TTBK2: variants seen among roughly 807,000 people sequenced by gnomAD.
TTBK2 encodes the protein tau-tubulin kinase 2.
In TTBK2, 28 loss-of-function variants were observed where a neutral mutation model predicts 110.8. The ratio of observed to expected loss-of-function variants is 0.25; its 90% CI spans 0.19 to 0.35. The LOEUF is 0.35. Among genes scored for constraint, TTBK2 ranks in the 10% least tolerant of loss-of-function variants. TTBK2 has a pLI of 1.00. For missense variants in TTBK2, 1,369 were observed against 1,500.3 expected, an observed-to-expected ratio of 0.91 and a Z score of 1.45; for synonymous variants, 532 against 527.3, an observed-to-expected ratio of 1.01 and a Z score of -0.12.
chr15:42,899,099 C>T (rs895310880), intron 1 of TTBK2, among the ~76,000 whole-genome samples: 20 of 152,058 alleles, frequency 1.3e-4, no homozygotes, highest in Non-Finnish European at 1.5e-5. Flanking sequence ...CTAAAGCATT[C>T]CTCCTACCTC....
chr15:42,780,157 G>C (rs543407057), intron 11 of TTBK2, among the ~76,000 whole-genome samples: 1 of 149,378 alleles, frequency 6.7e-6, no homozygotes, highest in East Asian at 2.0e-4. Context: ...AAGTACCTGG[G>C]ACTACAGGTA....
intron 14 of TTBK2, among the ~76,000 whole-genome samples, chr15:42,746,865 G>A (rs7175582): frequency 0.28 from 42,767 of 151,910 alleles, 7,309 homozygotes; most frequent in African/African-American, 0.47. Context: ...GGTTTCTGTG[G>A]ACCTCAGTTT....
chr15:42,885,134 G>A (rs1254706762), intron 1 of TTBK2, among the ~76,000 whole-genome samples: 3 of 152,206 alleles, frequency 2.0e-5, no homozygotes, highest in African/African-American at 7.2e-5. Flanking sequence ...AAACAGCCTT[G>A]TTGCTCACAC....
intron 7 of TTBK2, among the ~76,000 whole-genome samples, chr15:42,815,589 G>C (rs1368502662): frequency 6.6e-6 from 1 of 151,756 alleles, no homozygotes; most frequent in Non-Finnish European, 1.5e-5. Flanking sequence ...GCAGAACAAA[G>C]GGACCAAAGT....
chr15:42,746,187 G>T lies in TTBK2; in HGVS notation c.3343C>A (p.Leu1115Ile), dbSNP rs1254332939. The change falls in exon 15 of 15, where the codon CTT (leucine) becomes ATT (isoleucine). Residue 1115 changes from leucine (L) to isoleucine (I), a missense_variant. Leu to Ile is a conservative substitution (Grantham distance 5). This residue lies in a region of TTBK2 where 1,097 missense variants were observed against 1,114.7 expected (regional missense o/e 0.98). Coordinates refer to ENST00000267890, the MANE Select transcript of TTBK2 (RefSeq NM_173500.4). ...SDLFSRLAQI[L>I]QNGSQKPRST... ...CGGGGTTTCTGAGATCCATTTTGAA[G>T]AATTTGGGCCAGGCGGGAGAAAAGG... is the stretch of plus-strand genomic sequence containing the variant. The T allele has an allele frequency of 6.2e-7, 1 of 1,614,056 alleles. No individual in the cohort carries two copies. Among genetic ancestry groups the T allele is most frequent in the South Asian group, 1.1e-5 (1 of 91,082 alleles).
chr15:42,749,816 C>G (rs889709684), intron 14 of TTBK2, among the ~76,000 whole-genome samples: 6 of 152,164 alleles, frequency 3.9e-5, no homozygotes, highest in Non-Finnish European at 5.9e-5. Context: ...AATCAGAAAG[C>G]TACTATGCTT....
At chr15:42,784,911 T>C (rs2140817550) in intron 10 of TTBK2, among the ~76,000 whole-genome samples, 1 of 152,264 alleles carries the variant, frequency 6.6e-6, no homozygotes, top group African/African-American at 2.4e-5. Context: ...GCTGGGCTTG[T>C]AAGAAATTAA....
chr15:42,831,036 G>A lies in TTBK2; in HGVS notation c.292-958C>T, dbSNP rs1019079264. ...AAAATGTATATATGTGTGTGTGTGT[G>A]TGTGTGTGTGTGTGTGATCAAGTAT... On this transcript the variant is annotated intron_variant, in intron 4 of 14. Coordinates refer to ENST00000267890, the MANE Select transcript of TTBK2 (RefSeq NM_173500.4). 2.4e-4 allele frequency among the ~76,000 whole-genome samples: 36 copies of A among 151,864 alleles called. No individual in the cohort carries two copies. In the East Asian group the frequency reaches 6.2e-3, roughly 26 times the overall value.
At chr15:42,859,036 G>A (rs1001838859) in intron 3 of TTBK2, among the ~76,000 whole-genome samples, 13 of 152,222 alleles carry the variant, frequency 8.5e-5, no homozygotes, top group Middle Eastern at 3.4e-3. Context: ...GCCCTCAGGA[G>A]AAATAAGTTA....
chr15:42,782,352 G>A (rs1265649768), intron 11 of TTBK2, among the ~76,000 whole-genome samples: 1 of 152,136 alleles, frequency 6.6e-6, no homozygotes, highest in Non-Finnish European at 1.5e-5. Context: ...GATTACAGGT[G>A]TGAGCCACCA....
intron 2 of TTBK2, among the ~76,000 whole-genome samples, chr15:42,878,069 G>A (rs1894883759): frequency 6.8e-6 from 1 of 147,166 alleles, no homozygotes; most frequent in Non-Finnish European, 1.5e-5. Context: ...TTTTTTCCCG[G>A]GTTCACGCCA....
chr15:42,916,544 C>T (rs759137677), intron 1 of TTBK2, among the ~76,000 whole-genome samples: 65 of 152,174 alleles, frequency 4.3e-4, no homozygotes, highest in Non-Finnish European at 6.9e-4. Context: ...CCAGACTTGT[C>T]TCCAACTCCT....
At chr15:42,815,958 A>AAAAATATATATATATATATATAT (rs71108183) in intron 7 of TTBK2, among the ~76,000 whole-genome samples, 26 of 91,692 alleles carry the variant, frequency 2.8e-4, no homozygotes, top group African/African-American at 1.3e-3. Context: ...TTAAAAAAAA[A>AAAAATATATATATATATATATAT]ATATATATAT....
intron 3 of TTBK2, among the ~76,000 whole-genome samples, chr15:42,850,160 T>A (rs1893637873): frequency 1.3e-5 from 2 of 152,190 alleles, no homozygotes; most frequent in African/African-American, 4.8e-5. Flanking sequence ...GCAGCCACTG[T>A]CAAGGACTGT....
intron 9 of TTBK2, among the ~76,000 whole-genome samples, chr15:42,797,501 T>C (rs1890996023): frequency 6.6e-6 from 1 of 152,174 alleles, no homozygotes; most frequent in Non-Finnish European, 1.5e-5. Context: ...TGGGAACAAA[T>C]GGTCAGACTG....
chr15:42,878,711 A>G, intron 1 of TTBK2, 27 bp from the exon 2 acceptor site: 1 of 1,604,026 alleles, frequency 6.2e-7, no homozygotes, highest in Non-Finnish European at 8.5e-7. Context: ...AAAAAATAGT[A>G]GCAGTATTTA....
chr15:42,848,567 T>C (rs1473731185), intron 3 of TTBK2, among the ~76,000 whole-genome samples: 1 of 152,108 alleles, frequency 6.6e-6, no homozygotes, highest in Non-Finnish European at 1.5e-5. Context: ...CTCAGCTCAC[T>C]GCAACCTCCA....
rs1042254172 is a variant in TTBK2 at position 42,809,011 on chromosome 15, G to A, written c.822+1603C>T. Among the ~76,000 whole-genome samples, 13 of 152,362 alleles carry A rather than the reference G, an allele frequency of 8.5e-5. No individual in the cohort carries two copies. The South Asian group carries it at 2.7e-3, about 32-fold the overall frequency. ...AGTTATTTTTCTCAAGATGAAGACT[G>A]AGTAGAGAAACAAGAGGCAGAAGCT... On this transcript the variant is annotated intron_variant, in intron 9 of 14. Transcript: ENST00000267890.
chr15:42,774,000 C>T (rs1889789457), intron 13 of TTBK2, among the ~76,000 whole-genome samples: 1 of 152,196 alleles, frequency 6.6e-6, no homozygotes, highest in South Asian at 2.1e-4. Context: ...AACAACCTGC[C>T]TAACTATACA....
Sources: gnomAD v4.1 joint callset for allele counts (sites outside exome capture counted in the v4.1 genomes callset) on GRCh38, gnomAD v4.1.1 for gene constraint, gnomAD v4.1.1 regional missense constraint, MANE v1.5 for transcripts, NCBI Gene and HGNC (gene_info 2026-07-23, HGNC 2026-07-21) for gene names.